The following RNGTT variants were observed in gnomAD, a reference collection of about 807,000 sequenced individuals.
The protein encoded by RNGTT is mRNA-capping enzyme.
A neutral mutation model predicts 79.3 loss-of-function variants in RNGTT; 33 were observed. The observed-to-expected ratio is 0.42, with a 90% CI of 0.32 to 0.56. The LOEUF is 0.56. Among genes scored for constraint, RNGTT ranks in the 20% least tolerant of loss-of-function variants. The pLI is 0.17. For missense variants in RNGTT, 497 were observed against 739.1 expected (o/e 0.67, Z 3.80); for synonymous variants, 222 against 235.9 (o/e 0.94, Z 0.54).
chr6:88,657,726 A>G (rs544944254), intron 14 of RNGTT, among the ~76,000 whole-genome samples: 4 of 152,226 alleles, frequency 2.6e-5, no homozygotes, highest in African/African-American at 4.8e-5. Context: ...GGTGGGGCAC[A>G]GTGGGAGGAA....
chr6:88,851,742 C>T (rs1475847235), intron 9 of RNGTT, among the ~76,000 whole-genome samples: 3 of 151,666 alleles, frequency 2.0e-5, no homozygotes, highest in Non-Finnish European at 4.4e-5. Flanking sequence ...AAACAATTTG[C>T]ACATGAAAAT....
Position 88,853,704 on chromosome 6 carries a change from T to C in RNGTT, c.957A>G (p.Val319=). ...GAAATTCCAGATTTGAAACATGAAA[T>C]ACTGAATTGTCTCTATCAATCATAA... The part of the protein sequence containing the change: ...EVFMIDRDNS[V]FHVSNLEFPF... The change falls in exon 9 of 16, where the codon GTA becomes GTG. Residue 319 remains valine, a synonymous_variant. Coordinates refer to ENST00000369485, the MANE Select transcript of RNGTT (RefSeq NM_003800.5). The C allele has an allele frequency of 6.3e-7, 1 of 1,582,826 alleles. No homozygotes were observed. Among genetic ancestry groups the C allele is most frequent in the South Asian group, 1.1e-5 (1 of 89,562 alleles).
chr6:88,748,221 C>A (rs181139817), intron 13 of RNGTT, among the ~76,000 whole-genome samples: 128 of 151,910 alleles, frequency 8.4e-4, no homozygotes, highest in Non-Finnish European at 1.2e-3. Context: ...TGAAACCCAG[C>A]AATGCCTCCT....
chr6:88,738,311 C>G lies in RNGTT; in HGVS notation c.1439+31463G>C, dbSNP rs1174246350. On this transcript the variant is annotated intron_variant, in intron 13 of 15. Coordinates refer to ENST00000369485, the MANE Select transcript of RNGTT (RefSeq NM_003800.5). ...CGGAAAGTATGAGAAAATGTCACAG[C>G]CAAGAGTACCCTAAGGAGATATGAC... 2.6e-5 allele frequency among the ~76,000 whole-genome samples: 4 copies of G among 152,094 alleles called. No homozygotes were observed. The East Asian group carries it at 7.7e-4, about 29-fold the overall frequency.
chr6:88,615,252 A>C (rs746616250), intron 14 of RNGTT, among the ~76,000 whole-genome samples: 9 of 152,206 alleles, frequency 5.9e-5, no homozygotes, highest in Admixed American at 2.0e-4. Context: ...GGTAGACTGC[A>C]ATCATTTAAC....
rs1772143002 is a variant in RNGTT, at chr6:88,614,348, T to C, written c.1554A>G (p.Lys518=). The change falls in exon 15 of 16, where the codon AAA becomes AAG. Residue 518 remains lysine, a synonymous_variant. Coordinates refer to ENST00000369485, the MANE Select transcript of RNGTT (RefSeq NM_003800.5). The stretch of plus-strand genomic sequence containing the variant: ...TGAAGACCCAGCTGTTGTTCTCAAA[T>C]TTGCATTCTATAATTTTGTTGTCAT... ...KQYDNKIIEC[K]FENNSWVFMR... 1 of 1,613,768 alleles carries C rather than the reference T, an allele frequency of 6.2e-7. No homozygotes were observed.
intron 9 of RNGTT, among the ~76,000 whole-genome samples, chr6:88,851,680 ACAGT>A (rs549569250): frequency 4.6e-5 from 7 of 152,098 alleles, no homozygotes; most frequent in African/African-American, 1.7e-4. Flanking sequence ...CTCACATCTG[ACAGT>A]CAGACAATTA....
At chr6:88,640,269 G>A (rs992144333) in intron 14 of RNGTT, among the ~76,000 whole-genome samples, 2 of 151,902 alleles carry the variant, frequency 1.3e-5, no homozygotes, top group African/African-American at 4.8e-5. Context: ...GAGCAATAAA[G>A]GCCAGTGCAG....
At chr6:88,819,762 C>T (rs756980737) in intron 11 of RNGTT, among the ~76,000 whole-genome samples, 49 of 152,106 alleles carry the variant, frequency 3.2e-4, no homozygotes, top group Non-Finnish European at 6.0e-4. Context: ...TCTCTACCAA[C>T]AGACAGCTGC....
chr6:88,833,262 A>C (rs1160364593), intron 11 of RNGTT, among the ~76,000 whole-genome samples: 1 of 152,216 alleles, frequency 6.6e-6, no homozygotes, highest in Non-Finnish European at 1.5e-5. Context: ...GGATGAGTTC[A>C]TGTCCTTTTC....
intron 13 of RNGTT, among the ~76,000 whole-genome samples, chr6:88,701,923 G>A (rs866870473): frequency 1.5e-4 from 23 of 151,934 alleles, no homozygotes; most frequent in Middle Eastern, 3.2e-3. Flanking sequence ...AACAATGCTC[G>A]AGATGAGAGC....
intron 11 of RNGTT, among the ~76,000 whole-genome samples, chr6:88,832,687 G>A (rs1317404757): frequency 6.6e-6 from 1 of 152,134 alleles, no homozygotes; most frequent in Non-Finnish European, 1.5e-5. Context: ...CTATCCGTCT[G>A]ACAAAGGGCT....
In RNGTT at chr6:88,906,357, AC is replaced by A. The variant is rs1364193636; in HGVS notation, c.443+7del. The A allele has an allele frequency of 6.4e-7, 1 of 1,552,136 alleles. No homozygotes were observed. Among genetic ancestry groups the A allele is most frequent in the African/African-American group, 1.4e-5 (1 of 72,326 alleles). Reference sequence around the variant, plus strand: ...AATACATCTTCCATTATAACAAGATACAAATACCTCCAATCCATTTTCTCCA... The same window carrying A: ...AATACATCTTCCATTATAACAAGATAAAATACCTCCAATCCATTTTCTCCA... On this transcript the variant is annotated splice_region_variant and intron_variant, in intron 5 of 15. Transcript: ENST00000369485.
chr6:88,711,584 T>G (rs958020941), intron 13 of RNGTT, among the ~76,000 whole-genome samples: 42 of 152,332 alleles, frequency 2.8e-4, no homozygotes, highest in Middle Eastern at 3.4e-3. Context: ...ATCAATGTAC[T>G]TTGGATAATA....
At chr6:88,760,841 G>A (rs1778191917) in intron 13 of RNGTT, among the ~76,000 whole-genome samples, 1 of 150,904 alleles carries the variant, frequency 6.6e-6, no homozygotes, top group South Asian at 2.1e-4. Context: ...CTCAAAAAGA[G>A]TAACACTAAT....
intron 9 of RNGTT, among the ~76,000 whole-genome samples, chr6:88,851,778 C>T (rs1024089924): frequency 1.5e-4 from 23 of 151,582 alleles, no homozygotes; most frequent in African/African-American, 5.6e-4. Flanking sequence ...AACTACAGGA[C>T]TGTTTTAATT....
chr6:88,698,246 G>A (rs1482156921), intron 13 of RNGTT, among the ~76,000 whole-genome samples: 2 of 86,086 alleles, frequency 2.3e-5, no homozygotes, highest in Admixed American at 2.3e-4. Context: ...ATATATATAT[G>A]AAATATATAT....
intron 13 of RNGTT, among the ~76,000 whole-genome samples, chr6:88,767,315 T>C (rs1200634989): frequency 6.6e-6 from 1 of 152,014 alleles, no homozygotes. Flanking sequence ...AAGAACAAAA[T>C]ATATTTAAAA....
intron 11 of RNGTT, among the ~76,000 whole-genome samples, chr6:88,841,549 C>T (rs1781289780): frequency 6.6e-6 from 1 of 152,050 alleles, no homozygotes; most frequent in African/African-American, 2.4e-5. Flanking sequence ...GTAAACAGAC[C>T]ATGGTTCTTC....
Sources: allele counts gnomAD v4.1 joint callset (sites outside exome capture counted in the v4.1 genomes callset), GRCh38; gene constraint gnomAD v4.1.1; transcripts MANE v1.5; gene names NCBI Gene and HGNC (gene_info 2026-07-23, HGNC 2026-07-21).